ATP10A: variants seen among roughly 807,000 people sequenced by gnomAD.
The protein encoded by ATP10A is phospholipid-transporting ATPase VA.
Under a neutral mutation model 147.8 loss-of-function variants are expected in ATP10A, and 111 were observed. The observed-to-expected ratio is 0.75, with a 90% CI of 0.64 to 0.88. The LOEUF is 0.88. Among genes scored for constraint, ATP10A ranks in the 40% least tolerant of loss-of-function variants. The probability of loss-of-function intolerance (pLI) is 0.00; values close to 1 mark genes in which losing one functional copy is unlikely to be tolerated. For synonymous variants in ATP10A, 875 were observed against 841.6 expected, an observed-to-expected ratio of 1.04 and a Z score of -0.69; for missense variants, 1,927 against 1,959.0, an observed-to-expected ratio of 0.98 and a Z score of 0.31.
At chr15:25,715,760 C>T (rs1370867197) in intron 9 of ATP10A, among the ~76,000 whole-genome samples, 1 of 152,234 alleles carries the variant, frequency 6.6e-6, no homozygotes, top group African/African-American at 2.4e-5. Context: ...AGAGAAAATA[C>T]AGGCCACCTT....
At chr15:25,804,355 CTG>C (rs1378360200) in intron 1 of ATP10A, among the ~76,000 whole-genome samples, 1 of 149,050 alleles carries the variant, frequency 6.7e-6, no homozygotes, top group Non-Finnish European at 1.5e-5. Context: ...TGATGTGACG[CTG>C]TGTTTGTGAG....
At chr15:25,762,975 A>G (rs937961374) in intron 2 of ATP10A, among the ~76,000 whole-genome samples, 2 of 152,218 alleles carry the variant, frequency 1.3e-5, no homozygotes, top group East Asian at 3.8e-4. Context: ...CCGATAATTA[A>G]CAATGTGTTT....
intron 1 of ATP10A, among the ~76,000 whole-genome samples, chr15:25,812,857 G>A (rs1891492092): frequency 6.6e-6 from 1 of 152,208 alleles, no homozygotes; most frequent in Non-Finnish European, 1.5e-5. Flanking sequence ...GAATAAAAGT[G>A]CAGTGCAGGA....
rs753663356 is a variant in ATP10A, at chr15:25,721,652, C to A, written c.1363+5G>T. On this transcript the variant is annotated splice_donor_5th_base_variant and intron_variant, in intron 7 of 20. Coordinates refer to ENST00000555815, the MANE Select transcript of ATP10A (RefSeq NM_024490.4). Reference sequence around the variant, plus strand: ...GGGTTGGGAGCCCCGCACCCCCAGACTCACCATTTGCATCATGAGAATATT... The same window carrying A: ...GGGTTGGGAGCCCCGCACCCCCAGAATCACCATTTGCATCATGAGAATATT... 6.2e-7 allele frequency: 1 copy of A among 1,610,528 alleles called. No individual in the cohort carries two copies.
At chr15:25,694,727 A>G in intron 14 of ATP10A, 92 bp downstream of exon 14, 1 of 1,120,172 alleles carries the variant, frequency 8.9e-7, no homozygotes, top group Non-Finnish European at 1.3e-6. Context: ...AAAGGTGAGG[A>G]AGTGTTTTCC....
intron 1 of ATP10A, among the ~76,000 whole-genome samples, chr15:25,854,897 G>C (rs990104971): frequency 1.3e-5 from 2 of 151,892 alleles, no homozygotes; most frequent in Non-Finnish European, 2.9e-5. Context: ...GTCTCTACTA[G>C]AAAAATACAA....
rs1901943248 is a variant in ATP10A at position 25,718,187 on chromosome 15, G to A, written c.1576C>T (p.Pro526Ser). 4 of 1,612,832 alleles carry A rather than the reference G, an allele frequency of 2.5e-6. No homozygotes were observed. The highest frequency in any genetic ancestry group is 2.5e-6 in the Non-Finnish European group (3 of 1,179,834). Residue 526 changes from proline (P) to serine (S), a missense_variant, in exon 8 of 21, where the codon CCC (proline) becomes TCC (serine). Transcript: ENST00000555815. ...AGGAGGCCCTGTACACTCACCATGG[G>A]GCTGCTGAAGGCCGTGTGCTTGGAC... Reference protein sequence around the residue: ...MLSKHTAFSSPMEKDITPDPK... With the variant: ...MLSKHTAFSSSMEKDITPDPK...
At chr15:25,782,173 T>A (rs1889957655) in intron 1 of ATP10A, among the ~76,000 whole-genome samples, 1 of 152,160 alleles carries the variant, frequency 6.6e-6, no homozygotes, top group Non-Finnish European at 1.5e-5. Flanking sequence ...AAAGGACAAC[T>A]CTTGCCGGTT....
At chr15:25,754,030 C>T (rs1283753138) in intron 2 of ATP10A, among the ~76,000 whole-genome samples, 1 of 152,142 alleles carries the variant, frequency 6.6e-6, no homozygotes, top group Admixed American at 6.5e-5. Context: ...AAACTGTTGG[C>T]CTCAAGCAAT....
rs181591292 is a variant in ATP10A, at chr15:25,832,439, T to C, written c.449+30209A>G. Among the ~76,000 whole-genome samples the C allele has an allele frequency of 8.6e-3, 1,311 of 152,310 alleles. 52 individuals carry two copies. The highest frequency in any genetic ancestry group is 0.08 in the Admixed American group (1,225 of 15,296). On this transcript the variant is annotated intron_variant, in intron 1 of 20. Coordinates refer to ENST00000555815, the MANE Select transcript of ATP10A (RefSeq NM_024490.4). ...GAGTGTGCCGGGCAAGGCAAAGTCA[T>C]CACAAAGATCTGTCATGTTCTGGAC... is the stretch of plus-strand genomic sequence containing the variant.
intron 2 of ATP10A, among the ~76,000 whole-genome samples, chr15:25,762,708 A>G (rs569702609): frequency 6.6e-6 from 1 of 152,086 alleles, no homozygotes; most frequent in Non-Finnish European, 1.5e-5. Flanking sequence ...CAGCCTCCTA[A>G]CCAGCTAGGA....
intron 14 of ATP10A, among the ~76,000 whole-genome samples, chr15:25,692,897 C>T (rs895936735): frequency 6.6e-6 from 1 of 152,150 alleles, no homozygotes; most frequent in South Asian, 2.1e-4. Context: ...ACCTCCTGGG[C>T]TCAAGTGATC....
downstream of ATP10A, among the ~76,000 whole-genome samples, chr15:25,676,128 C>T (rs2140262772): frequency 6.6e-6 from 1 of 152,336 alleles, no homozygotes; most frequent in South Asian, 2.1e-4. Context: ...TGAAAGTCTT[C>T]ATGCCTTCGA....
intron 1 of ATP10A, among the ~76,000 whole-genome samples, chr15:25,784,674 C>T (rs922538614): frequency 4.6e-5 from 7 of 152,152 alleles, no homozygotes; most frequent in African/African-American, 1.7e-4. Flanking sequence ...CCTGTAATCC[C>T]AGCACTTTGG....
intron 3 of ATP10A, among the ~76,000 whole-genome samples, chr15:25,729,871 G>T (rs562889999): frequency 3.9e-5 from 6 of 152,096 alleles, no homozygotes; most frequent in Non-Finnish European, 8.8e-5. Flanking sequence ...CCTATCCATT[G>T]CACACCCCAG....
chr15:25,721,951 C>T (rs768293720), intron 6 of ATP10A, 42 bp from the exon 7 acceptor site: 1 of 1,582,446 alleles, frequency 6.3e-7, no homozygotes, highest in Non-Finnish European at 8.6e-7. Flanking sequence ...CCGTGAGGAC[C>T]AGGGAGCTGG....
downstream of ATP10A, among the ~76,000 whole-genome samples, chr15:25,676,768 A>T (rs960551155): frequency 1.2e-4 from 18 of 152,082 alleles, no homozygotes; most frequent in Non-Finnish European, 1.6e-4. Flanking sequence ...TTATATATTA[A>T]ATCCTTTTGC....
chr15:25,815,283 G>A (rs1891601667), intron 1 of ATP10A, among the ~76,000 whole-genome samples: 1 of 152,210 alleles, frequency 6.6e-6, no homozygotes, highest in South Asian at 2.1e-4. Flanking sequence ...TGTTTCACGT[G>A]ACTTCCAGTT....
intron 1 of ATP10A, among the ~76,000 whole-genome samples, chr15:25,836,925 C>T (rs57138363): frequency 6.6e-6 from 1 of 152,308 alleles, no homozygotes; most frequent in East Asian, 1.9e-4. Context: ...CCACACACCA[C>T]CTGCCATGGG....
Sources: gnomAD v4.1 joint callset for allele counts (sites outside exome capture counted in the v4.1 genomes callset) on GRCh38, gnomAD v4.1.1 for gene constraint, MANE v1.5 for transcripts, NCBI Gene and HGNC (gene_info 2026-07-23, HGNC 2026-07-21) for gene names.